SPAG8: variants seen among roughly 807,000 people sequenced by gnomAD.
SPAG8 encodes the protein sperm associated antigen 8, also known as sperm-associated antigen 8.
Under a neutral mutation model 45.3 loss-of-function variants are expected in SPAG8, and 36 were observed. The ratio of observed to expected loss-of-function variants is 0.80; its 90% CI spans 0.61 to 1.05. The LOEUF (loss-of-function observed/expected upper bound fraction) is 1.05, where lower values mean the gene tolerates loss of function less well. Ranked by LOEUF, SPAG8 falls within the 50% of genes least tolerant of loss-of-function variation. SPAG8 has a pLI of 0.00. For missense variants in SPAG8, 573 were observed against 609.2 expected, an observed-to-expected ratio of 0.94 and a Z score of 0.63; for synonymous variants, 227 against 232.6, an observed-to-expected ratio of 0.98 and a Z score of 0.22.
downstream of SPAG8, chr9:35,809,244 G>A (rs759338876): frequency 7.4e-6 from 12 of 1,613,962 alleles, no homozygotes; most frequent in Non-Finnish European, 8.5e-6. The surrounding 1 kb of genome is among the most constrained non-coding windows in gnomAD (Gnocchi z 4.1). Context: ...ATGTGGAAAT[G>A]AAGGTGATGG....
chr9:35,810,710 G>A, intron 3 of SPAG8, 28 bp from the exon 4 acceptor site: 4 of 1,614,042 alleles, frequency 2.5e-6, no homozygotes, highest in South Asian at 2.2e-5. Context: ...GGTGGGCAAG[G>A]TGGGGTCTGG....
downstream of SPAG8, chr9:35,808,159 C>A (rs756636937): frequency 6.2e-7 from 1 of 1,602,380 alleles, no homozygotes; most frequent in Non-Finnish European, 8.6e-7. The surrounding 1 kb of genome is among the most constrained non-coding windows in gnomAD (Gnocchi z 4.0). Flanking sequence ...TTTCACTGGG[C>A]CTGCTTTACC....
chr9:35,812,128 G>GTAGA lies in SPAG8; in HGVS notation c.16_19dup (p.Thr7IlefsTer33). 6.2e-7 allele frequency: 1 copy of GTAGA among 1,608,064 alleles called. No homozygotes were observed. Among genetic ancestry groups the GTAGA allele is most frequent in the Non-Finnish European group, 8.5e-7 (1 of 1,179,994 alleles). ...CCGCGACCGCGACCGCGATCCCTCC[G>GTAGA]TAGACTCGTTGGTCTCCATCTTCAG... On this transcript the variant is annotated frameshift_variant, in exon 1 of 7. Coordinates refer to ENST00000396638, the MANE Select transcript of SPAG8 (RefSeq NM_001039592.2). LOFTEE classifies it high-confidence loss of function.
chr9:35,808,309 G>A (rs1276640556), downstream of SPAG8: 2 of 1,597,742 alleles, frequency 1.3e-6, no homozygotes, highest in Non-Finnish European at 1.7e-6. This position sits in a 1 kb window ranked among gnomAD's most constrained non-coding sequence, Gnocchi z 4.0. Flanking sequence ...ACCAGGTGCT[G>A]GGTGGAGAAA....
rs773811588 is a variant in SPAG8, at chr9:35,812,175, TAG to T, written c.-30_-29del. On this transcript the variant is annotated 5_prime_UTR_variant, in exon 1 of 7. Transcript: ENST00000396638. ...TCAGACTCCAGCTACTGGGTTGCCA[TAG>T]AGACAGCAAACAACTCCTGGAGCCT... is the stretch of plus-strand genomic sequence containing the variant. 1 of 1,601,046 alleles carries T rather than the reference TAG, an allele frequency of 6.2e-7. No homozygotes were observed. Among genetic ancestry groups the T allele is most frequent in the South Asian group, 1.1e-5 (1 of 90,966 alleles).
rs1336642642 is a variant in SPAG8, at chr9:35,811,341, G to A, written c.705C>T (p.Cys235=). The change falls in exon 2 of 7, where the codon TGC becomes TGT. Residue 235 remains cysteine, a synonymous_variant. Transcript: ENST00000396638. ...GTGGTTGTTTCTGGGGCTCCCAGGGGCAGTGCTGACTCCAGGAGGTATAGT... is the reference window on the plus strand; with the variant it reads ...GTGGTTGTTTCTGGGGCTCCCAGGGACAGTGCTGACTCCAGGAGGTATAGT... ...VPNYTSWSQH[C]PWEPQKQPPW... 2.5e-6 allele frequency: 4 copies of A among 1,614,088 alleles called. No individual in the cohort carries two copies. The African/African-American group carries it at 4.0e-5, about 16-fold the overall frequency.
chr9:35,809,984 GGA>G lies in SPAG8; in HGVS notation c.1410_1411del (p.Pro471ArgfsTer62), dbSNP rs1341606047. On this transcript the variant is annotated frameshift_variant, in exon 7 of 7. Coordinates refer to ENST00000396638, the MANE Select transcript of SPAG8 (RefSeq NM_001039592.2). LOFTEE classifies it low-confidence loss of function (END_TRUNC). This position sits in a 1 kb window ranked among gnomAD's most constrained non-coding sequence, Gnocchi z 4.1. ...CCCTCCACCACCCAGCCTTCCTCCG[GGA>G]CAGGGAAGGGAAGATATTTCTCCCA... is the stretch of plus-strand genomic sequence containing the variant. 3.1e-6 allele frequency: 5 copies of G among 1,605,004 alleles called. No homozygotes were observed. Among genetic ancestry groups the G allele is most frequent in the Non-Finnish European group, 4.3e-6 (5 of 1,175,450 alleles).
chr9:35,808,654 A>G (rs770047763), downstream of SPAG8: 8 of 1,613,994 alleles, frequency 5.0e-6, no homozygotes, highest in South Asian at 8.8e-5. The surrounding 1 kb of genome is among the most constrained non-coding windows in gnomAD (Gnocchi z 4.0). Context: ...CCCCATGACC[A>G]GCTGAGGCTA....
Position 35,811,685 on chromosome 9 carries a change from T to C in SPAG8, c.361A>G (p.Ile121Val), listed in dbSNP as rs746892912. The C allele has an allele frequency of 5.3e-5, 86 of 1,614,010 alleles. No homozygotes were observed. The highest frequency in any genetic ancestry group is 7.1e-5 in the Non-Finnish European group (84 of 1,180,028). The change falls in exon 2 of 7, where the codon ATT (isoleucine) becomes GTT (valine). Residue 121 changes from isoleucine (I) to valine (V), a missense_variant. Transcript: ENST00000396638. ...GTTGTAGTGCAAGTGTCCTGAGCAA[T>C]ACAGGAAACATAGACGGGCTCAAAG... ...LGFEPVYVSC[I>V]AQDTCTTTDH...
At chr9:35,809,564 A>T (rs779860186), downstream of SPAG8, 13 of 1,537,272 alleles carry the variant, frequency 8.5e-6, no homozygotes, top group Non-Finnish European at 1.8e-6. This position sits in a 1 kb window ranked among gnomAD's most constrained non-coding sequence, Gnocchi z 4.1. Context: ...ACAGCCACAA[A>T]AAAACCTACC....
At position 35,811,500 on chromosome 9, in the gene SPAG8, G is replaced by A. The variant is rs867014839; in HGVS notation, c.546C>T (p.Gly182=). 1 of 988,948 alleles carries A rather than the reference G, an allele frequency of 1.0e-6. No individual in the cohort carries two copies. The highest frequency in any genetic ancestry group is 1.3e-6 in the Non-Finnish European group (1 of 749,614). 61.3% of individuals were successfully genotyped at this position (988,948 alleles called of 1,614,324 possible). Residue 182 remains glycine (G), a synonymous_variant, in exon 2 of 7, where the codon GGC becomes GGT. Transcript: ENST00000396638. ...AGCCAGAGCCATGACCAGGACCAGA[G>A]CCAGGACCAGAGCCAGGACCAGGAC... ...GSGPGPGSGP[G]SGPGHGSGSH... is the part of the protein sequence containing the mutation.
chr9:35,810,067 T>A lies in SPAG8; in HGVS notation c.1329A>T (p.Val443=), dbSNP rs1828695399. ...FRKNCSFSTP[V]PLSLGKLLPY... ...GCAAAAGTTTCCCCAGAGACAAGGGTACTGGTGTTGAGAAGCTGCAGTTCT... is the reference window on the plus strand; with the variant it reads ...GCAAAAGTTTCCCCAGAGACAAGGGAACTGGTGTTGAGAAGCTGCAGTTCT... The change falls in exon 7 of 7, where the codon GTA becomes GTT. Residue 443 remains valine (V), a synonymous_variant. Coordinates refer to ENST00000396638, the MANE Select transcript of SPAG8 (RefSeq NM_001039592.2). 6.2e-7 allele frequency: 1 copy of A among 1,613,556 alleles called. No homozygotes were observed. Among genetic ancestry groups the A allele is most frequent in the Non-Finnish European group, 8.5e-7 (1 of 1,179,750 alleles).
chr9:35,809,202 G>T, downstream of SPAG8: 1 of 1,614,048 alleles, frequency 6.2e-7, no homozygotes, highest in Non-Finnish European at 8.5e-7. The surrounding 1 kb of genome is among the most constrained non-coding windows in gnomAD (Gnocchi z 4.1). Context: ...CCCTAGATGA[G>T]CTAGGATGCT....
At chr9:35,809,313 G>GGAAA, downstream of SPAG8, 1 of 1,610,544 alleles carries the variant, frequency 6.2e-7, no homozygotes, top group East Asian at 2.2e-5. The surrounding 1 kb of genome is among the most constrained non-coding windows in gnomAD (Gnocchi z 4.1). Flanking sequence ...GGAATCATAG[G>GGAAA]GAAAGAGAGG....
At chr9:35,809,607 C>T, downstream of SPAG8, 1 of 1,228,406 alleles carries the variant, frequency 8.1e-7, no homozygotes. This position sits in a 1 kb window ranked among gnomAD's most constrained non-coding sequence, Gnocchi z 4.1. Context: ...TGCAGCTCAG[C>T]CCTGTACATA....
rs777555281 is a variant in SPAG8, at chr9:35,810,556, A to G, written c.1086-3T>C. 1.9e-6 allele frequency: 3 copies of G among 1,613,744 alleles called. No homozygotes were observed. The highest frequency in any genetic ancestry group is 1.6e-4 in the Middle Eastern group (1 of 6,084). On this transcript the variant is annotated splice_region_variant and splice_polypyrimidine_tract_variant and intron_variant, in intron 4 of 6. Transcript: ENST00000396638. ...CCTGTTCTGCCTGCACCTCTTTACTATGTAGCCCGAGGGGTGTCAAGGCCA... is the reference window on the plus strand; with the variant it reads ...CCTGTTCTGCCTGCACCTCTTTACTGTGTAGCCCGAGGGGTGTCAAGGCCA...
chr9:35,812,070 C>G (rs1828840003), intron 1 of SPAG8, 34 bp downstream of exon 1: 1 of 1,611,078 alleles, frequency 6.2e-7, no homozygotes, highest in Non-Finnish European at 8.5e-7. Context: ...CTTCCTCGTC[C>G]CCTTATGCCT....
In SPAG8 at chr9:35,811,727, C is replaced by T; in HGVS notation, c.319G>A (p.Ala107Thr). The T allele has an allele frequency of 6.2e-7, 1 of 1,614,228 alleles. No homozygotes were observed. Among genetic ancestry groups the T allele is most frequent in the Middle Eastern group, 1.6e-4 (1 of 6,062 alleles). Reference protein sequence around the residue: ...CAGPGFTHNIAHGSLGFEPVY... With the variant: ...CAGPGFTHNITHGSLGFEPVY... ...GGCTCAAAGCCAAGACTCCCATGGG[C>T]TATATTGTGGGTAAAGCCGGGTCCC... is the stretch of plus-strand genomic sequence containing the variant. The change falls in exon 2 of 7, where the codon GCC becomes ACC. Residue 107 changes from alanine to threonine, a missense_variant. Transcript: ENST00000396638.
Position 35,810,677 on chromosome 9 carries a change from G to C in SPAG8, c.1045C>G (p.Arg349Gly). Residue 349 changes from arginine (R) to glycine (G), a missense_variant, in exon 4 of 7, where the codon CGT (arginine) becomes GGT (glycine). Coordinates refer to ENST00000396638, the MANE Select transcript of SPAG8 (RefSeq NM_001039592.2). ...GNVYWPLRGK[R>G]EAMLEMLLQH... The stretch of plus-strand genomic sequence containing the variant: ...AGGAGCATCTCCAGCATGGCTTCAC[G>C]CTTCCCTGTGAGAGAGTTGGGGGGT... 1 of 1,614,060 alleles carries C rather than the reference G, an allele frequency of 6.2e-7. No homozygotes were observed. Among genetic ancestry groups the C allele is most frequent in the Non-Finnish European group, 8.5e-7 (1 of 1,179,996 alleles).
Sources: gnomAD v4.1 joint callset for allele counts on GRCh38, gnomAD v4.1.1 for gene constraint, Gnocchi (gnomAD v3.1) non-coding constraint, MANE v1.5 for transcripts, NCBI Gene and HGNC (gene_info 2026-07-23, HGNC 2026-07-21) for gene names.